RIN3: variants seen among roughly 807,000 people sequenced by gnomAD.
The protein encoded by RIN3 is Ras and Rab interactor 3.
Under a neutral mutation model 76.3 loss-of-function variants are expected in RIN3, and 54 were observed. That is an observed-to-expected ratio of 0.71 (90% confidence interval 0.57 to 0.89). The LOEUF (loss-of-function observed/expected upper bound fraction) is 0.89. Ranked by LOEUF, RIN3 falls within the 40% of genes least tolerant of loss-of-function variation. RIN3 has a pLI of 0.00. For missense variants in RIN3, 1,256 were observed against 1,322.1 expected, an observed-to-expected ratio of 0.95 and a Z score of 0.78; for synonymous variants, 576 against 564.0, an observed-to-expected ratio of 1.02 and a Z score of -0.30.
intron 1 of RIN3, among the ~76,000 whole-genome samples, chr14:92,523,914 C>T (rs1054397864): frequency 2.0e-5 from 3 of 152,220 alleles, no homozygotes; most frequent in Middle Eastern, 3.4e-3. Context: ...GCCTGGAGAC[C>T]GGGTGCAGTG....
chr14:92,615,073 C>CA (rs1566869137), intron 3 of RIN3, among the ~76,000 whole-genome samples: 47 of 152,086 alleles, frequency 3.1e-4, no homozygotes, highest in African/African-American at 1.1e-3. Context: ...GAACTCCTGA[C>CA]CTTGTGATTC....
intron 3 of RIN3, among the ~76,000 whole-genome samples, chr14:92,584,033 C>T (rs576949560): frequency 1.3e-5 from 2 of 152,318 alleles, no homozygotes; most frequent in East Asian, 1.9e-4. Context: ...CCTACCAGTT[C>T]CCTGGCCCAG....
intron 1 of RIN3, among the ~76,000 whole-genome samples, chr14:92,523,883 C>T (rs986820678): frequency 1.9e-4 from 29 of 152,106 alleles, no homozygotes; most frequent in Non-Finnish European, 3.2e-4. Flanking sequence ...TTGGTGTCCC[C>T]GCCACACCAG....
At chr14:92,672,534 C>T (rs1015683548) in intron 7 of RIN3, among the ~76,000 whole-genome samples, 1 of 152,198 alleles carries the variant, frequency 6.6e-6, no homozygotes, top group Non-Finnish European at 1.5e-5. Flanking sequence ...ACCTCCTGGT[C>T]GGCTGAATGT....
Position 92,514,003 on chromosome 14 carries a change from C to T in RIN3, c.44+27C>T. The T allele has an allele frequency of 8.2e-7, 1 of 1,226,206 alleles. No homozygotes were observed. Among genetic ancestry groups the T allele is most frequent in the Non-Finnish European group, 1.0e-6 (1 of 980,806 alleles). 76.0% of individuals were successfully genotyped at this position (1,226,206 alleles called of 1,614,324 possible). On this transcript the variant is annotated intron_variant, in intron 1 of 9. Coordinates refer to ENST00000216487, the MANE Select transcript of RIN3 (RefSeq NM_024832.5). This position sits in a 1 kb window ranked among gnomAD's most constrained non-coding sequence, Gnocchi z 7.2. ...TAAGTCCGGGCGGCCGCCCCCTCCTCCCTCGCGATCCCCACGGCCCGCGTC... is the reference window on the plus strand; with the variant it reads ...TAAGTCCGGGCGGCCGCCCCCTCCTTCCTCGCGATCCCCACGGCCCGCGTC...
chr14:92,631,224 C>T (rs577437354), intron 4 of RIN3, among the ~76,000 whole-genome samples: 5 of 152,222 alleles, frequency 3.3e-5, no homozygotes, highest in East Asian at 1.9e-4. Context: ...ACTTGGGGCC[C>T]GGGGGGCTGG....
chr14:92,625,133 T>C (rs555425314), intron 4 of RIN3, among the ~76,000 whole-genome samples: 1 of 152,326 alleles, frequency 6.6e-6, no homozygotes, highest in East Asian at 1.9e-4. Flanking sequence ...AAAGTGGGAC[T>C]GTCACTAGTG....
At chr14:92,659,648 G>A (rs1337201151) in intron 7 of RIN3, 179 bp downstream of exon 7, 1 of 543,130 alleles carries the variant, frequency 1.8e-6, no homozygotes, top group Non-Finnish European at 3.1e-6. Context: ...GGAGTTACCT[G>A]GGGACTGGGA....
chr14:92,605,455 G>A (rs1198164542), intron 3 of RIN3, among the ~76,000 whole-genome samples: 1 of 152,216 alleles, frequency 6.6e-6, no homozygotes, highest in African/African-American at 2.4e-5. Context: ...GTATGTGTAT[G>A]CTTCAAAAAT....
At position 92,577,489 on chromosome 14, in the gene RIN3, T is replaced by C; in HGVS notation, c.367+12T>C. 1.3e-6 allele frequency: 2 copies of C among 1,562,596 alleles called. No homozygotes were observed. The highest frequency in any genetic ancestry group is 2.2e-5 in the East Asian group (1 of 44,452). On this transcript the variant is annotated intron_variant, in intron 3 of 9. Coordinates refer to ENST00000216487, the MANE Select transcript of RIN3 (RefSeq NM_024832.5). Reference sequence around the variant, plus strand: ...GGAAGAAAAGTCGAGTAAGTACCCATCTTCTCTGTTTTCACTTTGACCACG... The same window carrying C: ...GGAAGAAAAGTCGAGTAAGTACCCACCTTCTCTGTTTTCACTTTGACCACG...
chr14:92,647,335 G>T (rs914368317), intron 5 of RIN3, among the ~76,000 whole-genome samples: 33 of 152,186 alleles, frequency 2.2e-4, no homozygotes, highest in Admixed American at 1.2e-3. Flanking sequence ...GTTAGTCAAG[G>T]CCAGAAAACT....
intron 3 of RIN3, among the ~76,000 whole-genome samples, chr14:92,611,504 C>T (rs566588266): frequency 2.0e-5 from 3 of 152,252 alleles, no homozygotes; most frequent in South Asian, 2.1e-4. Context: ...CCACCCGCCT[C>T]GGCCTCCCAA....
chr14:92,652,035 C>A lies in RIN3; in HGVS notation c.986C>A (p.Pro329His). ...APHVTPHAPG[P>H]PDHPNQPPMM... is the part of the protein sequence containing the mutation. ...CACGTCACACCCCATGCCCCAGGTCCCCCAGACCATCCGAACCAGCCGCCC... is the reference window on the plus strand; with the variant it reads ...CACGTCACACCCCATGCCCCAGGTCACCCAGACCATCCGAACCAGCCGCCC... The change falls in exon 6 of 10, where the codon CCC becomes CAC. Residue 329 changes from proline to histidine, a missense_variant. Pro to His is a moderately conservative substitution (Grantham distance 77, BLOSUM62 -2). Coordinates refer to ENST00000216487, the MANE Select transcript of RIN3 (RefSeq NM_024832.5). This position sits in a 1 kb window ranked among gnomAD's most constrained non-coding sequence, Gnocchi z 6.4. The A allele has an allele frequency of 6.2e-7, 1 of 1,601,204 alleles. No homozygotes were observed. Among genetic ancestry groups the A allele is most frequent in the Non-Finnish European group, 8.5e-7 (1 of 1,178,598 alleles).
rs546434007 is a variant in RIN3, at chr14:92,688,078, C to G, written c.2784C>G (p.Asp928Glu). The change falls in exon 10 of 10, where the codon GAC becomes GAG. Residue 928 changes from aspartate to glutamate, a missense_variant. Physicochemically the swap from Asp to Glu is conservative, Grantham distance 45. Around this residue, in one of 3 missense-constraint regions of RIN3, gnomAD observed 218 missense variants for 174.5 expected, o/e 1.25. Transcript: ENST00000216487. ...PQAHRLFVLV[D>E]GRCFQLADDA... ...CGCACCGGCTGTTCGTGCTGGTGGA[C>G]GGGCGCTGCTTCCAGCTGGCGGACG... is the stretch of plus-strand genomic sequence containing the variant. 15 of 1,605,834 alleles carry G rather than the reference C, an allele frequency of 9.3e-6. No individual in the cohort carries two copies. The African/African-American group carries it at 1.7e-4, about 19-fold the overall frequency.
intron 2 of RIN3, among the ~76,000 whole-genome samples, chr14:92,569,822 C>G (rs1234552035): frequency 6.6e-6 from 1 of 152,136 alleles, no homozygotes; most frequent in East Asian, 1.9e-4. Flanking sequence ...AAGTAACTAT[C>G]AGTAGAGTAA....
chr14:92,630,935 C>T (rs1249717397), intron 4 of RIN3, among the ~76,000 whole-genome samples: 3 of 152,214 alleles, frequency 2.0e-5, no homozygotes, highest in African/African-American at 7.2e-5. Flanking sequence ...CAAGATGGAA[C>T]ATCAAAGATC....
rs975009830 is a variant in RIN3, at chr14:92,656,201, C to T, written c.2027-2960C>T. Among the ~76,000 whole-genome samples, 1 of 152,090 alleles carries T rather than the reference C, an allele frequency of 6.6e-6. No homozygotes were observed. Among genetic ancestry groups the T allele is most frequent in the South Asian group, 2.1e-4 (1 of 4,828 alleles). On this transcript the variant is annotated intron_variant, in intron 6 of 9. Coordinates refer to ENST00000216487, the MANE Select transcript of RIN3 (RefSeq NM_024832.5). This position sits in a 1 kb window ranked among gnomAD's most constrained non-coding sequence, Gnocchi z 5.2. ...AAAGGAGGAGTCAGGGATGCTAAGC[C>T]GTGGAAAGGGTAGTGGAAGGACTTT... is the stretch of plus-strand genomic sequence containing the variant.
At chr14:92,562,400 A>G (rs1017402768) in intron 2 of RIN3, among the ~76,000 whole-genome samples, 4 of 152,120 alleles carry the variant, frequency 2.6e-5, no homozygotes, top group Non-Finnish European at 5.9e-5. Flanking sequence ...TGCTCAGCCC[A>G]CCTTTAAGGA....
chr14:92,610,883 A>C (rs188118833), intron 3 of RIN3, among the ~76,000 whole-genome samples: 1 of 152,320 alleles, frequency 6.6e-6, no homozygotes, highest in East Asian at 1.9e-4. Context: ...ATTGCCTTGC[A>C]TGTGTAAAAT....
Sources: gnomAD v4.1 joint callset for allele counts (sites outside exome capture counted in the v4.1 genomes callset) on GRCh38, gnomAD v4.1.1 for gene constraint, gnomAD v4.1.1 regional missense constraint, Gnocchi (gnomAD v3.1) non-coding constraint, MANE v1.5 for transcripts, NCBI Gene and HGNC (gene_info 2026-07-23, HGNC 2026-07-21) for gene names.